The following NEK11 variants were observed in gnomAD, a reference collection of about 807,000 sequenced individuals.
NEK11 encodes the protein NIMA related kinase 11, also known as serine/threonine-protein kinase Nek11.
Under a neutral mutation model 80.7 loss-of-function variants are expected in NEK11, and 72 were observed. That is an observed-to-expected ratio of 0.89 (90% CI 0.74 to 1.08). The LOEUF (loss-of-function observed/expected upper bound fraction) is 1.08. NEK11 is among the 50% of genes least tolerant of loss of function. The pLI, the probability that NEK11 is intolerant of heterozygous loss-of-function variation, is 0.00. For synonymous variants in NEK11, 251 were observed against 260.7 expected (o/e 0.96, Z 0.36); for missense variants, 764 against 763.6 (o/e 1.00, Z -0.01).
intron 17 of NEK11, among the ~76,000 whole-genome samples, chr3:131,347,918 C>CAA (rs112173406): frequency 1.0e-4 from 14 of 138,550 alleles, no homozygotes; most frequent in East Asian, 1.0e-3. Context: ...ACTTCATCTC[C>CAA]AAAAAAAAAA....
chr3:131,034,652 G>A (rs754526172), intron 3 of NEK11, among the ~76,000 whole-genome samples: 7 of 152,196 alleles, frequency 4.6e-5, no homozygotes, highest in African/African-American at 9.6e-5. Context: ...CTCCCAAAGT[G>A]CTGGGATTAC....
intron 5 of NEK11, among the ~76,000 whole-genome samples, chr3:131,121,629 T>C (rs1168628262): frequency 6.6e-6 from 1 of 152,156 alleles, no homozygotes; most frequent in Non-Finnish European, 1.5e-5. Flanking sequence ...TCCGGTGGGC[T>C]CCACCCAGTT....
chr3:131,127,748 T>C (rs1445586249), intron 5 of NEK11, among the ~76,000 whole-genome samples: 1 of 106,208 alleles, frequency 9.4e-6, no homozygotes, highest in Non-Finnish European at 2.2e-5. Context: ...TGTTAGATGA[T>C]ATTACTTTTC....
intron 14 of NEK11, among the ~76,000 whole-genome samples, chr3:131,207,297 T>C (rs2094469654): frequency 6.6e-6 from 1 of 152,204 alleles, no homozygotes; most frequent in South Asian, 2.1e-4. Context: ...TGTAAAAGTG[T>C]TCCTGGCTGG....
At chr3:131,299,565 C>T (rs2096638043) in intron 17 of NEK11, among the ~76,000 whole-genome samples, 1 of 152,092 alleles carries the variant, frequency 6.6e-6, no homozygotes, top group Admixed American at 6.6e-5. Flanking sequence ...GTCTGTTGTT[C>T]CCTTCTTTGT....
chr3:131,202,991 C>G (rs1416511124), intron 14 of NEK11, among the ~76,000 whole-genome samples: 1 of 118,008 alleles, frequency 8.5e-6, no homozygotes, highest in Non-Finnish European at 2.2e-5. Context: ...GGAGTGTAAA[C>G]TAGTTCAACC....
At chr3:131,313,089 T>C (rs7432450) in intron 17 of NEK11, among the ~76,000 whole-genome samples, 19,598 of 152,038 alleles carry the variant, frequency 0.13, 1,848 homozygotes, top group East Asian at 0.3. Context: ...TGGTTTTCTA[T>C]TACTGTGTTA....
chr3:131,070,416 C>T (rs567239209), intron 3 of NEK11, among the ~76,000 whole-genome samples: 1 of 152,128 alleles, frequency 6.6e-6, no homozygotes, highest in African/African-American at 2.4e-5. Context: ...ACTTCACCAC[C>T]TTGTTAGGAG....
rs527558276 is a variant in NEK11 at position 131,105,951 on chromosome 3, T to C, written c.337-3852T>C. ...ACATCCTCATAACTTATGCTTTTCC[T>C]TACCAAAAGCACATCTTACCTATAT... On this transcript the variant is annotated intron_variant, in intron 4 of 17. Coordinates refer to ENST00000383366, the MANE Select transcript of NEK11 (RefSeq NM_024800.5). Among the ~76,000 whole-genome samples, 5 of 152,350 alleles carry C rather than the reference T, an allele frequency of 3.3e-5. No homozygotes were observed. The South Asian group carries it at 1.0e-3, about 32-fold the overall frequency.
intron 14 of NEK11, among the ~76,000 whole-genome samples, chr3:131,209,981 C>A (rs2094560514): frequency 6.6e-6 from 1 of 152,128 alleles, no homozygotes; most frequent in Admixed American, 6.5e-5. Context: ...GTCTCTAGCT[C>A]CTTCAGATCT....
chr3:131,305,056 G>A (rs2096708562), intron 17 of NEK11, among the ~76,000 whole-genome samples: 1 of 151,610 alleles, frequency 6.6e-6, no homozygotes, highest in South Asian at 2.1e-4. Context: ...TCCAACATCT[G>A]TGCATGCATT....
intron 7 of NEK11, among the ~76,000 whole-genome samples, chr3:131,141,675 AAT>A (rs1491032366): frequency 6.6e-6 from 1 of 152,192 alleles, no homozygotes; most frequent in Non-Finnish European, 1.5e-5. Context: ...GGAATTTAAA[AAT>A]AGTTACAAAT....
chr3:131,069,550 C>T (rs928343525), intron 3 of NEK11, among the ~76,000 whole-genome samples: 7 of 151,910 alleles, frequency 4.6e-5, no homozygotes, highest in South Asian at 2.1e-4. Flanking sequence ...CGGCATTATT[C>T]GCAATAGCAA....
In NEK11 at chr3:131,243,337, A is replaced by AT. The variant is rs150346681; in HGVS notation, c.1561-90dup. On this transcript the variant is annotated intron_variant, in intron 15 of 17. Coordinates refer to ENST00000383366, the MANE Select transcript of NEK11 (RefSeq NM_024800.5). ...TATACTGAAATAATTTTGGAACCAG[A>AT]TTTTTTTTTCGCCTAAATGTAGTAA... 701 of 1,076,312 alleles carry AT rather than the reference A, an allele frequency of 6.5e-4. 1 individual carries two copies. Among genetic ancestry groups the AT allele is most frequent in the African/African-American group, 7.9e-4 (49 of 62,248 alleles). 66.7% of individuals were successfully genotyped at this position (1,076,312 alleles called of 1,614,324 possible).
chr3:131,254,552 G>C (rs750817067), intron 16 of NEK11, among the ~76,000 whole-genome samples: 10 of 152,172 alleles, frequency 6.6e-5, no homozygotes, highest in African/African-American at 9.7e-5. Flanking sequence ...CAGCAAAACT[G>C]ATCAGACCTA....
chr3:131,151,640 A>G (rs1363769071), intron 7 of NEK11, among the ~76,000 whole-genome samples: 1 of 152,096 alleles, frequency 6.6e-6, no homozygotes, highest in Non-Finnish European at 1.5e-5. Flanking sequence ...AAAATAATTC[A>G]TTATTCAGGA....
At chr3:131,339,215 C>G (rs533289999) in intron 17 of NEK11, among the ~76,000 whole-genome samples, 2 of 152,220 alleles carry the variant, frequency 1.3e-5, no homozygotes, top group South Asian at 4.1e-4. Context: ...CACAAAGTGT[C>G]TATTTTCTTC....
chr3:131,199,441 G>A (rs2094146631), intron 14 of NEK11, among the ~76,000 whole-genome samples: 2 of 152,036 alleles, frequency 1.3e-5, no homozygotes, highest in Admixed American at 1.3e-4. Context: ...ACAAAAGTGT[G>A]GGGGAAAACA....
chr3:131,242,268 T>G (rs529914252), intron 15 of NEK11, among the ~76,000 whole-genome samples: 1 of 152,160 alleles, frequency 6.6e-6, no homozygotes, highest in African/African-American at 2.4e-5. Context: ...TGGAGGGGTT[T>G]GTGGCTATGG....
Sources: allele counts gnomAD v4.1 joint callset (sites outside exome capture counted in the v4.1 genomes callset), GRCh38; gene constraint gnomAD v4.1.1; transcripts MANE v1.5; gene names NCBI Gene and HGNC (gene_info 2026-07-23, HGNC 2026-07-21).